Variants in PATJ observed in about 807,000 individuals in gnomAD.
PATJ encodes PATJ crumbs cell polarity complex component.
A neutral mutation model predicts 224.9 loss-of-function variants in PATJ; 190 were observed. That is an observed-to-expected ratio of 0.84 (90% confidence interval 0.75 to 0.95). The LOEUF (loss-of-function observed/expected upper bound fraction) is 0.95. PATJ is among the 40% of genes least tolerant of loss of function. The probability of loss-of-function intolerance (pLI) is 0.00; values close to 1 mark genes in which losing one functional copy is unlikely to be tolerated. For synonymous variants in PATJ, 769 were observed against 820.3 expected (o/e 0.94, Z 1.07); for missense variants, 2,121 against 2,270.3 (o/e 0.93, Z 1.34).
chr1:62,106,158 G>GTGTGTGTATATATATATATA (rs1356937495), intron 33 of PATJ, among the ~76,000 whole-genome samples: 2 of 48,060 alleles, frequency 4.2e-5, no homozygotes, highest in African/African-American at 7.1e-5. Flanking sequence ...GTGTGTGTGT[G>GTGTGTGTATATATATATATA]TATATATATA....
intron 31 of PATJ, among the ~76,000 whole-genome samples, chr1:62,074,326 G>T (rs939407781): frequency 6.6e-6 from 1 of 151,630 alleles, no homozygotes; most frequent in African/African-American, 2.4e-5. Context: ...CCTGCACGTT[G>T]TGCACATGTA....
At chr1:61,953,051 T>C (rs1679949501) in intron 27 of PATJ, among the ~76,000 whole-genome samples, 2 of 152,192 alleles carry the variant, frequency 1.3e-5, no homozygotes, top group Non-Finnish European at 2.9e-5. Context: ...GGGGCTCAGC[T>C]CTTGGAAGTA....
rs755703523 is a variant in PATJ, at chr1:62,148,383, GAC to G, written c.5375_5376del (p.Thr1792ArgfsTer6). On this transcript the variant is annotated frameshift_variant, in exon 42 of 44. Transcript: ENST00000642238. LOFTEE classifies it high-confidence loss of function. ...GSPTAEHHPE[D>X]TETPPPKIIT... is the part of the protein sequence containing the mutation. ...GCCCACTGCTGAACACCATCCAGAA[GAC>G]ACAGAGTGAGTATTTCAGATGCAGA... 31 of 1,609,420 alleles carry G rather than the reference GAC, an allele frequency of 1.9e-5. No homozygotes were observed. Among genetic ancestry groups the G allele is most frequent in the Admixed American group, 1.3e-4 (8 of 59,956 alleles).
intron 25 of PATJ, among the ~76,000 whole-genome samples, chr1:61,912,125 G>C (rs1571252438): frequency 2.6e-5 from 4 of 151,694 alleles, no homozygotes; most frequent in Admixed American, 6.6e-5. Context: ...TGTTCTATAA[G>C]GGTACCTACT....
chr1:61,982,168 A>G (rs1254509812), intron 27 of PATJ, among the ~76,000 whole-genome samples: 1 of 151,938 alleles, frequency 6.6e-6, no homozygotes, highest in Non-Finnish European at 1.5e-5. Flanking sequence ...GGGGTAAGAG[A>G]AGGTCAGAAC....
At chr1:62,024,496 C>T (rs893498149) in intron 29 of PATJ, among the ~76,000 whole-genome samples, 1 of 152,010 alleles carries the variant, frequency 6.6e-6, no homozygotes, top group Non-Finnish European at 1.5e-5. Context: ...GGAATTATGC[C>T]TACATTTGTT....
At chr1:61,800,685 C>T (rs1652290796) in intron 11 of PATJ, among the ~76,000 whole-genome samples, 1 of 152,110 alleles carries the variant, frequency 6.6e-6, no homozygotes, top group Admixed American at 6.6e-5. Context: ...CACCCATTAA[C>T]TCATCATTTA....
intron 27 of PATJ, among the ~76,000 whole-genome samples, chr1:61,961,590 G>T (rs187131566): frequency 6.6e-6 from 1 of 152,108 alleles, no homozygotes; most frequent in Non-Finnish European, 1.5e-5. Context: ...CTTTAGACAG[G>T]CCTGCTGACT....
intron 26 of PATJ, among the ~76,000 whole-genome samples, chr1:61,918,806 A>G (rs1673839514): frequency 6.6e-6 from 1 of 152,032 alleles, no homozygotes; most frequent in Admixed American, 6.6e-5. Context: ...TCTACAAAAT[A>G]TAAAATATTA....
At chr1:61,836,511 C>T (rs12725866) in intron 17 of PATJ, among the ~76,000 whole-genome samples, 3,655 of 152,284 alleles carry the variant, frequency 0.024, 61 homozygotes, top group Middle Eastern at 0.051. Flanking sequence ...GAGGGGAACA[C>T]ATTCAATCCT....
chr1:62,152,393 G>A (rs1194725910), intron 42 of PATJ, among the ~76,000 whole-genome samples: 3 of 145,178 alleles, frequency 2.1e-5, no homozygotes, highest in Admixed American at 1.4e-4. Context: ...GGCAGCTCAC[G>A]CCTGGAATCC....
chr1:61,831,522 A>G (rs766327422), intron 16 of PATJ, among the ~76,000 whole-genome samples: 1 of 152,212 alleles, frequency 6.6e-6, no homozygotes, highest in Non-Finnish European at 1.5e-5. Flanking sequence ...TGGGCAAAGG[A>G]CACGTCGCAC....
intron 33 of PATJ, among the ~76,000 whole-genome samples, chr1:62,098,607 AG>A (rs1296320501): frequency 6.6e-6 from 1 of 151,706 alleles, no homozygotes; most frequent in African/African-American, 2.4e-5. Flanking sequence ...AAAAAAAAAA[AG>A]TCATGTAGTT....
intron 27 of PATJ, among the ~76,000 whole-genome samples, chr1:61,936,726 C>T (rs1490977454): frequency 1.3e-5 from 2 of 151,974 alleles, no homozygotes; most frequent in Admixed American, 6.6e-5. Context: ...CACACACCAC[C>T]ACACCCAGCT....
At chr1:61,870,416 C>T (rs1666154291) in intron 20 of PATJ, among the ~76,000 whole-genome samples, 1 of 152,108 alleles carries the variant, frequency 6.6e-6, no homozygotes, top group African/African-American at 2.4e-5. Context: ...TCTTTATAGG[C>T]ACAGGATAGA....
intron 28 of PATJ, among the ~76,000 whole-genome samples, chr1:61,997,825 A>T (rs1316704227): frequency 0.018 from 1,024 of 55,818 alleles, 14 homozygotes; most frequent in African/African-American, 0.079. Context: ...GTTTTGTTTT[A>T]AAAAAAAAAA....
At chr1:61,924,295 G>GT (rs1465278867) in intron 26 of PATJ, among the ~76,000 whole-genome samples, 1 of 152,164 alleles carries the variant, frequency 6.6e-6, no homozygotes, top group Non-Finnish European at 1.5e-5. Flanking sequence ...TTGAACCCGG[G>GT]AGACAGAGGT....
chr1:61,782,565 T>A (rs559832813), intron 7 of PATJ, among the ~76,000 whole-genome samples: 67 of 152,318 alleles, frequency 4.4e-4, no homozygotes, highest in Non-Finnish European at 7.5e-4. Context: ...TTATTTATTT[T>A]AAAAAATTGA....
chr1:61,854,617 A>G (rs1261601536), intron 17 of PATJ, among the ~76,000 whole-genome samples: 1 of 152,188 alleles, frequency 6.6e-6, no homozygotes, highest in Non-Finnish European at 1.5e-5. Context: ...TGGCTATGCC[A>G]CATATACGCT....
Sources: gnomAD v4.1 joint callset for allele counts (sites outside exome capture counted in the v4.1 genomes callset) on GRCh38, gnomAD v4.1.1 for gene constraint, MANE v1.5 for transcripts, NCBI Gene and HGNC (gene_info 2026-07-23, HGNC 2026-07-21) for gene names.